The following SNTG2 variants were observed in gnomAD, a reference collection of about 807,000 sequenced individuals.
SNTG2 encodes the protein gamma-2-syntrophin.
A neutral mutation model predicts 70.9 loss-of-function variants in SNTG2; 74 were observed. The observed-to-expected ratio is 1.04, with a 90% CI of 0.86 to 1.27. The LOEUF is 1.27. Ranked by LOEUF, SNTG2 falls within the 50% of genes most tolerant of loss-of-function variation. The pLI is 0.00. For missense variants in SNTG2, 717 were observed against 690.7 expected (o/e 1.04, Z -0.43); for synonymous variants, 278 against 273.8 (o/e 1.02, Z -0.15).
chr2:1,041,163 C>T (rs1307927959), intron 1 of SNTG2, among the ~76,000 whole-genome samples: 1 of 152,128 alleles, frequency 6.6e-6, no homozygotes, highest in Non-Finnish European at 1.5e-5. Context: ...CTGCAGACAC[C>T]TTCACCTGCA....
At chr2:1,182,435 G>A (rs1254977174) in intron 8 of SNTG2, among the ~76,000 whole-genome samples, 2 of 147,576 alleles carry the variant, frequency 1.4e-5, no homozygotes, top group Non-Finnish European at 3.0e-5. Context: ...GAAGGGTATA[G>A]GAAAAAAGTC....
At chr2:995,807 T>G (rs187574156) in intron 1 of SNTG2, among the ~76,000 whole-genome samples, 1 of 152,304 alleles carries the variant, frequency 6.6e-6, no homozygotes, top group Non-Finnish European at 1.5e-5. Context: ...CGCACTTTCT[T>G]TGACTTATTA....
chr2:1,259,571 G>A (rs1438902096), intron 13 of SNTG2, 130 bp downstream of exon 13: 8 of 743,692 alleles, frequency 1.1e-5, no homozygotes, highest in East Asian at 8.0e-5. Context: ...ATAATGTGAC[G>A]ATCTGGACCC....
At chr2:1,189,842 C>T (rs370376153) in intron 8 of SNTG2, among the ~76,000 whole-genome samples, 24 of 152,144 alleles carry the variant, frequency 1.6e-4, no homozygotes, top group Non-Finnish European at 2.4e-4. Context: ...CCACCGTGCC[C>T]GGCCGGGACT....
intron 1 of SNTG2, among the ~76,000 whole-genome samples, chr2:1,062,592 AAC>A (rs1430631224): frequency 2.0e-4 from 31 of 152,366 alleles, no homozygotes; most frequent in Middle Eastern, 3.4e-3. Context: ...TAACAGAATT[AAC>A]AGTCATTCTT....
intron 1 of SNTG2, among the ~76,000 whole-genome samples, chr2:1,024,020 C>T (rs375834454): frequency 3.3e-5 from 5 of 152,070 alleles, no homozygotes; most frequent in Non-Finnish European, 7.3e-5. Flanking sequence ...CTGTGCAGTG[C>T]GAGATGGTGA....
chr2:966,514 G>A (rs1461896194), intron 1 of SNTG2, among the ~76,000 whole-genome samples: 1 of 151,804 alleles, frequency 6.6e-6, no homozygotes, highest in Non-Finnish European at 1.5e-5. Context: ...ATTTGTAAAG[G>A]CTTTTATAAT....
intron 1 of SNTG2, among the ~76,000 whole-genome samples, chr2:961,522 TACTC>T (rs1433971320): frequency 2.0e-5 from 3 of 152,244 alleles, no homozygotes; most frequent in African/African-American, 4.8e-5. Flanking sequence ...TTAATTTTCT[TACTC>T]AGAATGGTAG....
chr2:1,217,773 T>TG (rs1408347883), intron 9 of SNTG2, among the ~76,000 whole-genome samples: 1 of 152,202 alleles, frequency 6.6e-6, no homozygotes, highest in Non-Finnish European at 1.5e-5. Flanking sequence ...GCATTGTTGA[T>TG]GGGGTGGCCA....
chr2:982,839 G>A (rs1305086479), intron 1 of SNTG2, among the ~76,000 whole-genome samples: 1 of 152,062 alleles, frequency 6.6e-6, no homozygotes, highest in African/African-American at 2.4e-5. Context: ...GAAGTCCCAA[G>A]GTGCAGAGAC....
chr2:1,076,470 C>T (rs952079562), intron 1 of SNTG2, among the ~76,000 whole-genome samples: 2 of 152,196 alleles, frequency 1.3e-5, no homozygotes, highest in African/African-American at 4.8e-5. Context: ...TGCTTTATAA[C>T]AACTTGCATA....
intron 13 of SNTG2, among the ~76,000 whole-genome samples, chr2:1,260,171 G>T (rs1678343333): frequency 1.3e-5 from 2 of 152,208 alleles, no homozygotes; most frequent in Admixed American, 1.3e-4. Flanking sequence ...AGAGTTATCA[G>T]TCTAAAGTTA....
intron 1 of SNTG2, among the ~76,000 whole-genome samples, chr2:1,027,006 T>C (rs1199979140): frequency 6.6e-6 from 1 of 152,216 alleles, no homozygotes. Context: ...TCCATCGTGC[T>C]ACCCTTGCTC....
chr2:981,102 G>T (rs1371078747), intron 1 of SNTG2, among the ~76,000 whole-genome samples: 2 of 152,122 alleles, frequency 1.3e-5, no homozygotes, highest in African/African-American at 4.8e-5. Flanking sequence ...ATGCTTCTCA[G>T]GTACCATTTT....
chr2:1,121,572 C>G (rs1237974570), intron 4 of SNTG2, among the ~76,000 whole-genome samples: 1 of 106,816 alleles, frequency 9.4e-6, no homozygotes, highest in Non-Finnish European at 2.4e-5. Flanking sequence ...GTGTTTGACT[C>G]ACAGTTCCGC....
chr2:1,177,359 A>G (rs2147896457), intron 8 of SNTG2, among the ~76,000 whole-genome samples: 1 of 152,274 alleles, frequency 6.6e-6, no homozygotes, highest in South Asian at 2.1e-4. Flanking sequence ...GCATCAAGAA[A>G]AAATAGCTAA....
chr2:1,251,767 ACAC>A lies in SNTG2; in HGVS notation c.1005+4328_1005+4330del, dbSNP rs949775181. On this transcript the variant is annotated intron_variant, in intron 12 of 16. Coordinates refer to ENST00000308624, the MANE Select transcript of SNTG2 (RefSeq NM_018968.4). Reference sequence around the variant, plus strand: ...CACACACCACACACACACTACACGCACACCACATCTGCACACCACTCATGCACA... The same window carrying A: ...CACACACCACACACACACTACACGCACACATCTGCACACCACTCATGCACA... Among the ~76,000 whole-genome samples, 14 of 149,008 alleles carry A rather than the reference ACAC, an allele frequency of 9.4e-5. No homozygotes were observed. The South Asian group carries it at 1.1e-3, about 11-fold the overall frequency.
intron 8 of SNTG2, among the ~76,000 whole-genome samples, chr2:1,181,962 T>C (rs1440882087): frequency 6.6e-6 from 1 of 152,230 alleles, no homozygotes; most frequent in Non-Finnish European, 1.5e-5. Flanking sequence ...AAGTACAGAA[T>C]CCATTGATCT....
chr2:1,342,175 T>C (rs1236713514), intron 16 of SNTG2, among the ~76,000 whole-genome samples: 1 of 152,216 alleles, frequency 6.6e-6, no homozygotes, highest in Non-Finnish European at 1.5e-5. Flanking sequence ...AGGGCAGGGA[T>C]CTCACTCCTT....
Sources: gnomAD v4.1 joint callset for allele counts (sites outside exome capture counted in the v4.1 genomes callset) on GRCh38, gnomAD v4.1.1 for gene constraint, MANE v1.5 for transcripts, NCBI Gene and HGNC (gene_info 2026-07-23, HGNC 2026-07-21) for gene names.